CADPS2: variants seen among roughly 807,000 people sequenced by gnomAD.
The protein encoded by CADPS2 is calcium-dependent secretion activator 2.
A neutral mutation model predicts 172.5 loss-of-function variants in CADPS2; 93 were observed. The ratio of observed to expected loss-of-function variants is 0.54; its 90% CI spans 0.46 to 0.64. The LOEUF (loss-of-function observed/expected upper bound fraction) is 0.64, where lower values mean the gene tolerates loss of function less well. CADPS2 is among the 30% of genes least tolerant of loss of function. The pLI, the probability that CADPS2 is intolerant of heterozygous loss-of-function variation, is 0.00. For missense variants in CADPS2, 1,420 were observed against 1,565.9 expected (o/e 0.91, Z 1.57); for synonymous variants, 546 against 555.2 (o/e 0.98, Z 0.23).
rs1460923387 is a variant in CADPS2 at position 122,824,324 on chromosome 7, C to T, written c.339+61675G>A. Among the ~76,000 whole-genome samples, 3 of 152,242 alleles carry T rather than the reference C, an allele frequency of 2.0e-5. No individual in the cohort carries two copies. The East Asian group carries it at 5.8e-4, about 29-fold the overall frequency. ...GCTAAGGTCCATCTCAATATAAGGT[C>T]CATGCTTTTAACCATTACCGCCAAC... On this transcript the variant is annotated intron_variant, in intron 1 of 29. Coordinates refer to ENST00000449022, the MANE Select transcript of CADPS2 (RefSeq NM_017954.11).
chr7:122,561,594 G>A (rs182921754), intron 7 of CADPS2, among the ~76,000 whole-genome samples: 31 of 152,226 alleles, frequency 2.0e-4, no homozygotes, highest in African/African-American at 7.0e-4. Context: ...GCCGTTAGTA[G>A]TCTACGCTCC....
chr7:122,698,203 A>G, intron 2 of CADPS2: 1 of 1,613,948 alleles, frequency 6.2e-7, no homozygotes, highest in Non-Finnish European at 8.5e-7. Flanking sequence ...TACTACTCGA[A>G]GTTGGAGTTG....
intron 3 of CADPS2, among the ~76,000 whole-genome samples, chr7:122,644,343 T>C (rs1458555929): frequency 6.6e-6 from 1 of 152,118 alleles, no homozygotes; most frequent in African/African-American, 2.4e-5. Context: ...GGGATCCTTT[T>C]TTTCACTACC....
intron 29 of CADPS2, among the ~76,000 whole-genome samples, chr7:122,323,379 T>C (rs1326298347): frequency 6.6e-6 from 1 of 152,082 alleles, no homozygotes; most frequent in Non-Finnish European, 1.5e-5. Context: ...AAAGAAGATA[T>C]ACTGACTTAC....
chr7:122,765,945 G>C (rs2093536684), intron 1 of CADPS2, among the ~76,000 whole-genome samples: 1 of 152,060 alleles, frequency 6.6e-6, no homozygotes, highest in African/African-American at 2.4e-5. Flanking sequence ...AGTCCATTTT[G>C]TGTTGCTTTA....
At chr7:122,854,466 A>C (rs1814626329) in intron 1 of CADPS2, among the ~76,000 whole-genome samples, 1 of 152,218 alleles carries the variant, frequency 6.6e-6, no homozygotes, top group South Asian at 2.1e-4. Context: ...TGAACAGAAA[A>C]GGCAGTAGAG....
intron 1 of CADPS2, among the ~76,000 whole-genome samples, chr7:122,746,506 T>C (rs1344812906): frequency 2.0e-5 from 3 of 152,152 alleles, no homozygotes; most frequent in Admixed American, 1.3e-4. Flanking sequence ...CCACAGTTTT[T>C]ACTCTATCAC....
At chr7:122,844,164 G>C (rs942745301) in intron 1 of CADPS2, among the ~76,000 whole-genome samples, 2 of 152,216 alleles carry the variant, frequency 1.3e-5, no homozygotes, top group African/African-American at 2.4e-5. Flanking sequence ...CTGGAGGTGA[G>C]ACTGAAGTTA....
chr7:122,701,777 C>G, intron 2 of CADPS2: 1 of 1,167,186 alleles, frequency 8.6e-7, no homozygotes, highest in African/African-American at 1.5e-5. Flanking sequence ...GACAATTTAT[C>G]TAATCTTTGT....
intron 2 of CADPS2, among the ~76,000 whole-genome samples, chr7:122,683,600 A>G (rs1366347381): frequency 6.6e-6 from 1 of 152,076 alleles, no homozygotes; most frequent in African/African-American, 2.4e-5. Flanking sequence ...TTAATACTAC[A>G]TGACATAGTG....
intron 17 of CADPS2, chr7:122,436,364 T>A: frequency 7.8e-7 from 1 of 1,280,164 alleles, no homozygotes; most frequent in Non-Finnish European, 1.0e-6. Context: ...AATTACCTGT[T>A]TCCTTTTCTG....
chr7:122,418,084 C>T (rs1344384067), intron 17 of CADPS2, among the ~76,000 whole-genome samples: 52 of 151,788 alleles, frequency 3.4e-4, no homozygotes, highest in Non-Finnish European at 1.5e-5. Flanking sequence ...GCAGGAGAAT[C>T]GCTTGAACCT....
At chr7:122,442,675 TAAAAC>T (rs757777370) in intron 15 of CADPS2, among the ~76,000 whole-genome samples, 5 of 152,344 alleles carry the variant, frequency 3.3e-5, no homozygotes, top group African/African-American at 9.6e-5. Flanking sequence ...TTCTCCTTTT[TAAAAC>T]AAAACAGCAG....
At chr7:122,557,615 T>A (rs79402294) in intron 7 of CADPS2, among the ~76,000 whole-genome samples, 4,973 of 152,224 alleles carry the variant, frequency 0.033, 256 homozygotes, top group African/African-American at 0.11. Context: ...CACTGCTAGC[T>A]GTGACACAGA....
chr7:122,648,724 T>C (rs1249450051), intron 3 of CADPS2, among the ~76,000 whole-genome samples: 1 of 152,282 alleles, frequency 6.6e-6, no homozygotes, highest in Non-Finnish European at 1.5e-5. Flanking sequence ...ACCCAGGCCA[T>C]AGTTCTCAAG....
At chr7:122,556,607 AT>A (rs1716746455) in intron 7 of CADPS2, among the ~76,000 whole-genome samples, 1 of 152,144 alleles carries the variant, frequency 6.6e-6, no homozygotes, top group South Asian at 2.1e-4. Flanking sequence ...AAAATAACTG[AT>A]TTTGGCTGAT....
intron 27 of CADPS2, among the ~76,000 whole-genome samples, chr7:122,360,462 AG>A (rs1372695928): frequency 6.6e-6 from 1 of 152,192 alleles, no homozygotes; most frequent in Non-Finnish European, 1.5e-5. Flanking sequence ...TTTCATAGAA[AG>A]GGGAGGAAAA....
At chr7:122,596,107 T>C (rs957778426) in intron 6 of CADPS2, among the ~76,000 whole-genome samples, 8 of 152,092 alleles carry the variant, frequency 5.3e-5, no homozygotes, top group Admixed American at 6.6e-5. Flanking sequence ...CTGTGAGCAC[T>C]ACCCACATGT....
At chr7:122,492,979 C>T (rs1268394714) in intron 9 of CADPS2, among the ~76,000 whole-genome samples, 1 of 152,018 alleles carries the variant, frequency 6.6e-6, no homozygotes, top group East Asian at 1.9e-4. Flanking sequence ...AACATAGTAC[C>T]TTTCAATAGA....
Sources: allele counts gnomAD v4.1 joint callset (sites outside exome capture counted in the v4.1 genomes callset), GRCh38; gene constraint gnomAD v4.1.1; transcripts MANE v1.5; gene names NCBI Gene and HGNC (gene_info 2026-07-23, HGNC 2026-07-21).